Variants in SLC35F5 observed in about 807,000 individuals in gnomAD.
SLC35F5 encodes the protein solute carrier family 35 member F5.
Under a neutral mutation model 68.6 loss-of-function variants are expected in SLC35F5, and 54 were observed. The ratio of observed to expected loss-of-function variants is 0.79; its 90% CI spans 0.63 to 0.99. SLC35F5 has a LOEUF of 0.99. SLC35F5 is among the 50% of genes least tolerant of loss of function. The probability of loss-of-function intolerance (pLI) is 0.00; values close to 1 mark genes in which losing one functional copy is unlikely to be tolerated. For synonymous variants in SLC35F5, 211 were observed against 205.2 expected (o/e 1.03, Z -0.24); for missense variants, 567 against 626.9 (o/e 0.90, Z 1.02).
At chr2:113,735,723 C>A in intron 8 of SLC35F5, 54 bp downstream of exon 8, 1 of 1,199,544 alleles carries the variant, frequency 8.3e-7, no homozygotes, top group South Asian at 1.3e-5. Context: ...CACATATATA[C>A]CAGAAATACA....
intron 13 of SLC35F5, chr2:113,719,651 C>T (rs1687346946): frequency 6.1e-6 from 1 of 164,814 alleles, no homozygotes; most frequent in African/African-American, 2.4e-5. Flanking sequence ...CTCATTTCTT[C>T]TTCACTGTTT....
rs982272695 is a variant in SLC35F5, at chr2:113,711,352, G to C, written c.*3866C>G. Among the ~76,000 whole-genome samples, 1 of 152,034 alleles carries C rather than the reference G, an allele frequency of 6.6e-6. No homozygotes were observed. The highest frequency in any genetic ancestry group is 1.5e-5 in the Non-Finnish European group (1 of 68,000). On this transcript the variant is annotated 3_prime_UTR_variant, in exon 16 of 16. Transcript: ENST00000245680. ...ACGTATACTGAATACAGAAAATTTT[G>C]TAGGAAAACACTATTTTTTAAATGT...
intron 13 of SLC35F5, chr2:113,721,382 G>C (rs932890016): frequency 3.3e-5 from 5 of 153,584 alleles, no homozygotes; most frequent in African/African-American, 9.7e-5. Context: ...TTAAAGTTTG[G>C]TTATGTTTTT....
At chr2:113,733,423 A>T (rs1687971620) in intron 9 of SLC35F5, 1 of 334,232 alleles carries the variant, frequency 3.0e-6, no homozygotes, top group Non-Finnish European at 6.1e-6. Context: ...GATAACATGA[A>T]GAAAAGTTAT....
rs2104959396 is a variant in SLC35F5 at position 113,714,108 on chromosome 2, C to T, written c.*1110G>A. ...GTTGCATAATAAGTACATGTAAGGC[C>T]TAAGTTTAAGAATTGCAATTAGGAG... is the stretch of plus-strand genomic sequence containing the variant. On this transcript the variant is annotated 3_prime_UTR_variant, in exon 16 of 16. Coordinates refer to ENST00000245680, the MANE Select transcript of SLC35F5 (RefSeq NM_025181.5). 1 of 152,150 alleles carries T rather than the reference C, an allele frequency of 6.6e-6. No homozygotes were observed. The highest frequency in any genetic ancestry group is 2.4e-5 in the African/African-American group (1 of 41,528). The allele number at this position is 152,150 out of a possible 1,614,324, so 9.4% of individuals were successfully genotyped here.
chr2:113,738,516 G>A (rs72833658), intron 7 of SLC35F5, among the ~76,000 whole-genome samples: 226 of 152,188 alleles, frequency 1.5e-3, no homozygotes, highest in Non-Finnish European at 2.8e-3. Flanking sequence ...CACTCAGGTT[G>A]TTCCCGTATC....
chr2:113,733,916 T>C (rs933568570), intron 9 of SLC35F5, among the ~76,000 whole-genome samples: 1 of 152,272 alleles, frequency 6.6e-6, no homozygotes, highest in Non-Finnish European at 1.5e-5. Context: ...TTTCATAAAA[T>C]AAGTTTTATT....
At chr2:113,742,109 C>T (rs1236026129) in intron 7 of SLC35F5, 2 of 152,104 alleles carry the variant, frequency 1.3e-5, no homozygotes, top group Non-Finnish European at 1.5e-5. Context: ...CCCAGCTTAG[C>T]CCAAAATAAC....
At chr2:113,738,481 A>C (rs1389485091) in intron 7 of SLC35F5, among the ~76,000 whole-genome samples, 1 of 151,932 alleles carries the variant, frequency 6.6e-6, no homozygotes, top group South Asian at 2.1e-4. Flanking sequence ...AAAATGTACT[A>C]TATATATATT....
downstream of SLC35F5, among the ~76,000 whole-genome samples, chr2:113,704,258 T>G (rs1486211787): frequency 1.3e-5 from 2 of 151,944 alleles, no homozygotes; most frequent in African/African-American, 4.8e-5. Context: ...AGAGAGCGAG[T>G]GGTCTGTTTT....
intron 9 of SLC35F5, among the ~76,000 whole-genome samples, chr2:113,734,243 A>G (rs1365057236): frequency 6.6e-6 from 1 of 152,216 alleles, no homozygotes; most frequent in Non-Finnish European, 1.5e-5. Context: ...ATCAAAACAA[A>G]GAGGGGAAAT....
At chr2:113,706,367 T>C (rs896114230), downstream of SLC35F5, among the ~76,000 whole-genome samples, 1 of 152,078 alleles carries the variant, frequency 6.6e-6, no homozygotes, top group East Asian at 1.9e-4. Context: ...GGGGTTGTGC[T>C]TCCTCTGGGT....
intron 5 of SLC35F5, 49 bp from the exon 6 acceptor site, chr2:113,743,843 T>C (rs1014120723): frequency 6.8e-7 from 1 of 1,468,254 alleles, no homozygotes; most frequent in Non-Finnish European, 9.3e-7. Context: ...AAAGCTAACA[T>C]AGTGGTTAAA....
downstream of SLC35F5, chr2:113,704,975 C>G (rs1686770250): frequency 6.6e-6 from 1 of 152,262 alleles, no homozygotes; most frequent in African/African-American, 2.4e-5. Context: ...TCTCACTAAT[C>G]CAAAGACTGA....
At chr2:113,745,716 GATC>G (rs139419659) in intron 5 of SLC35F5, among the ~76,000 whole-genome samples, 5,821 of 152,020 alleles carry the variant, frequency 0.038, 172 homozygotes, top group Admixed American at 0.052. Context: ...ATGCCTGAGT[GATC>G]ATCTTAAAAA....
In SLC35F5 at chr2:113,756,476, CA is replaced by C; in HGVS notation, c.-68del. ...CGCGGCCTCGGACTCACAGAGCTGT[CA>C]CCGCGCCTGACATCGCGCCGCACTG... On this transcript the variant is annotated 5_prime_UTR_variant, in exon 1 of 16. An upstream open reading frame in the 5' UTR loses its in-frame stop. Transcript: ENST00000245680. 2.0e-6 allele frequency: 3 copies of C among 1,529,312 alleles called. No homozygotes were observed. Among genetic ancestry groups the C allele is most frequent in the African/African-American group, 1.4e-5 (1 of 72,610 alleles). The allele number at this position is 1,529,312 out of a possible 1,614,324, so 94.7% of individuals were successfully genotyped here.
Position 113,731,603 on chromosome 2 carries a change from A to G in SLC35F5, c.966T>C (p.Pro322=), listed in dbSNP as rs1687892607. 3 of 1,613,246 alleles carry G rather than the reference A, an allele frequency of 1.9e-6. No homozygotes were observed. In the African/African-American group the frequency reaches 4.0e-5, roughly 22 times the overall value. Residue 322 remains proline, a synonymous_variant, in exon 10 of 16, where the codon CCT becomes CCC. Coordinates refer to ENST00000245680, the MANE Select transcript of SLC35F5 (RefSeq NM_025181.5). ...ACTTACCTACTGTGTCTCTTCCAGC[A>G]GGTTTTTCAGACCCTGCCAGGTTTA... ...VLVNLAGSEK[P]AGRDTVGSIW...
chr2:113,739,488 A>G (rs1415980402), intron 7 of SLC35F5, among the ~76,000 whole-genome samples: 1 of 152,198 alleles, frequency 6.6e-6, no homozygotes, highest in African/African-American at 2.4e-5. Flanking sequence ...AAATGCCTTT[A>G]TTTTAGTGAT....
Position 113,741,553 on chromosome 2 carries a change from T to G in SLC35F5, c.750+1139A>C, listed in dbSNP as rs935089280. On this transcript the variant is annotated intron_variant, in intron 7 of 15. Coordinates refer to ENST00000245680, the MANE Select transcript of SLC35F5 (RefSeq NM_025181.5). The stretch of plus-strand genomic sequence containing the variant: ...CCTGTCTCTACTAAAAATACAAAAT[T>G]AGCTGGGTGTGGTGGCGCATGCCTG... Among the ~76,000 whole-genome samples, 3 of 151,844 alleles carry G rather than the reference T, an allele frequency of 2.0e-5. No individual in the cohort carries two copies. The East Asian group carries it at 5.8e-4, about 29-fold the overall frequency.
Sources: gnomAD v4.1 joint callset for allele counts (sites outside exome capture counted in the v4.1 genomes callset) on GRCh38, gnomAD v4.1.1 for gene constraint, MANE v1.5 for transcripts, NCBI Gene and HGNC (gene_info 2026-07-23, HGNC 2026-07-21) for gene names.